The following CAPSL variants were observed in gnomAD, a reference collection of about 807,000 sequenced individuals.
CAPSL encodes the protein calcyphosin-like protein.
Under a neutral mutation model 21.3 loss-of-function variants are expected in CAPSL, and 17 were observed. The ratio of observed to expected loss-of-function variants is 0.80; its 90% CI spans 0.55 to 1.20. CAPSL has a LOEUF of 1.20. Ranked by LOEUF, CAPSL falls within the 50% of genes most tolerant of loss-of-function variation. The pLI is 0.00. For missense variants in CAPSL, 289 were observed against 259.3 expected, an observed-to-expected ratio of 1.11 and a Z score of -0.79; for synonymous variants, 102 against 89.3, an observed-to-expected ratio of 1.14 and a Z score of -0.80.
chr5:35,910,197 T>C, intron 3 of CAPSL, 122 bp from the exon 4 acceptor site: 2 of 1,074,554 alleles, frequency 1.9e-6, no homozygotes, highest in Non-Finnish European at 2.7e-6. Flanking sequence ...TGCTATTATG[T>C]AATAGACACT....
At chr5:35,927,520 G>A (rs560046723) in intron 1 of CAPSL, among the ~76,000 whole-genome samples, 91 of 152,278 alleles carry the variant, frequency 6.0e-4, no homozygotes, top group Non-Finnish European at 1.1e-3. Flanking sequence ...AGCTAGTTCC[G>A]AGAAGGTGGA....
rs79919116 is a variant in CAPSL, at chr5:35,932,804, G to A, written c.-1+5737C>T. Among the ~76,000 whole-genome samples the A allele has an allele frequency of 9.5e-3, 1,449 of 152,246 alleles. 22 individuals are homozygous for A. The highest frequency in any genetic ancestry group is 0.033 in the African/African-American group (1,374 of 41,534). ...ACTAAGGAAAGCCCTAAGGGCAGAC[G>A]TCAACACATTGATGATTTTTCCCTT... On this transcript the variant is annotated intron_variant, in intron 1 of 4. Coordinates refer to ENST00000651391, the MANE Select transcript of CAPSL (RefSeq NM_001042625.2).
chr5:35,931,451 AC>A (rs1243438693), intron 1 of CAPSL, among the ~76,000 whole-genome samples: 62 of 144,084 alleles, frequency 4.3e-4, no homozygotes, highest in African/African-American at 1.5e-3. Context: ...AAAAAAAAAA[AC>A]AAGGTTTAAT....
chr5:35,923,502 G>A (rs1305582112), intron 1 of CAPSL, among the ~76,000 whole-genome samples: 2 of 152,108 alleles, frequency 1.3e-5, no homozygotes, highest in Non-Finnish European at 2.9e-5. Context: ...CAAACCAAAT[G>A]TCCACCTATG....
chr5:35,927,973 G>A (rs1738727010), intron 1 of CAPSL, among the ~76,000 whole-genome samples: 1 of 152,124 alleles, frequency 6.6e-6, no homozygotes, highest in African/African-American at 2.4e-5. Context: ...ACCATAGATG[G>A]GGTAATTTAT....
At chr5:35,906,877 G>T (rs976903528) in intron 4 of CAPSL, among the ~76,000 whole-genome samples, 1 of 152,142 alleles carries the variant, frequency 6.6e-6, no homozygotes, top group Non-Finnish European at 1.5e-5. Context: ...GAAGTCAGAT[G>T]ACGTCAAGCC....
chr5:35,931,223 C>T (rs1738814565), intron 1 of CAPSL, among the ~76,000 whole-genome samples: 1 of 152,050 alleles, frequency 6.6e-6, no homozygotes, highest in Non-Finnish European at 1.5e-5. Context: ...AAATATTGAC[C>T]TTTAGCTGGG....
intron 2 of CAPSL, among the ~76,000 whole-genome samples, chr5:35,913,472 C>T (rs1411585253): frequency 2.0e-5 from 3 of 152,002 alleles, no homozygotes; most frequent in Non-Finnish European, 2.9e-5. Flanking sequence ...GTCAGGTTAC[C>T]CACAAAGGGA....
chr5:35,907,307 A>G (rs935394454), intron 4 of CAPSL, among the ~76,000 whole-genome samples: 2 of 152,286 alleles, frequency 1.3e-5, no homozygotes, highest in Admixed American at 6.5e-5. Context: ...TATACCTAAC[A>G]TATTTTTAAT....
intron 2 of CAPSL, among the ~76,000 whole-genome samples, chr5:35,919,170 A>AAAAAAATAT (rs754098152): frequency 0.011 from 1,277 of 121,202 alleles, 70 homozygotes; most frequent in East Asian, 0.085. Context: ...TAAAAAAAAA[A>AAAAAAATAT]ATATATATAT....
intron 1 of CAPSL, among the ~76,000 whole-genome samples, chr5:35,923,155 A>C (rs1164111373): frequency 2.0e-5 from 3 of 152,054 alleles, no homozygotes; most frequent in East Asian, 1.9e-4. Flanking sequence ...CTCATTTCCC[A>C]TGACATCTCC....
chr5:35,913,540 G>T (rs1026821034), intron 2 of CAPSL, among the ~76,000 whole-genome samples: 5 of 152,108 alleles, frequency 3.3e-5, no homozygotes, highest in African/African-American at 1.2e-4. Context: ...AGAAGAGAGT[G>T]GGGGCCAATA....
At position 35,936,755 on chromosome 5, in the gene CAPSL, C is replaced by T. The variant is rs374439321; in HGVS notation, c.-1+1786G>A. Among the ~76,000 whole-genome samples the T allele has an allele frequency of 3.9e-5, 6 of 152,194 alleles. No homozygotes were observed. The East Asian group carries it at 7.7e-4, about 20-fold the overall frequency. ...TGTTTCTCAGGCTTCAGTTATCTTT[C>T]TCTTCTCACTATTCCACTATCTTAT... is the stretch of plus-strand genomic sequence containing the variant. On this transcript the variant is annotated intron_variant, in intron 1 of 4. Coordinates refer to ENST00000651391, the MANE Select transcript of CAPSL (RefSeq NM_001042625.2).
Position 35,935,644 on chromosome 5 carries a change from A to G in CAPSL, c.-1+2897T>C, listed in dbSNP as rs145523543. On this transcript the variant is annotated intron_variant, in intron 1 of 4. Coordinates refer to ENST00000651391, the MANE Select transcript of CAPSL (RefSeq NM_001042625.2). ...GCCACGGTGCCCAGACTGAAAGTTCAAAATTCAAGATTGACTTTATCTGCA... is the reference window on the plus strand; with the variant it reads ...GCCACGGTGCCCAGACTGAAAGTTCGAAATTCAAGATTGACTTTATCTGCA... Among the ~76,000 whole-genome samples, 45 of 152,242 alleles carry G rather than the reference A, an allele frequency of 3.0e-4. 1 individual carries two copies. The East Asian group carries it at 8.5e-3, about 29-fold the overall frequency.
At chr5:35,934,998 C>A (rs189643997) in intron 1 of CAPSL, among the ~76,000 whole-genome samples, 12 of 152,272 alleles carry the variant, frequency 7.9e-5, no homozygotes, top group African/African-American at 2.6e-4. Context: ...TATTAAGGAA[C>A]CTCACAGATT....
chr5:35,924,744 C>T, intron 1 of CAPSL, among the ~76,000 whole-genome samples: 1 of 152,116 alleles, frequency 6.6e-6, no homozygotes, highest in East Asian at 1.9e-4. Flanking sequence ...GGAGCAAGCC[C>T]TTGAATAGCC....
At chr5:35,910,986 T>G (rs979362802) in intron 2 of CAPSL, among the ~76,000 whole-genome samples, 1 of 152,242 alleles carries the variant, frequency 6.6e-6, no homozygotes, top group Non-Finnish European at 1.5e-5. Context: ...AAAATCACAG[T>G]GATGTGGCTA....
At chr5:35,938,079 G>A (rs775636969) in intron 1 of CAPSL, among the ~76,000 whole-genome samples, 55 of 152,132 alleles carry the variant, frequency 3.6e-4, no homozygotes, top group Non-Finnish European at 3.8e-4. Flanking sequence ...GTGTATAGCA[G>A]AAATAGCATA....
chr5:35,912,087 C>T (rs542982387), intron 2 of CAPSL, among the ~76,000 whole-genome samples: 28 of 152,272 alleles, frequency 1.8e-4, no homozygotes, highest in African/African-American at 4.6e-4. Flanking sequence ...TCGGAGGATC[C>T]GACACCCACC....
Sources: allele counts gnomAD v4.1 joint callset (sites outside exome capture counted in the v4.1 genomes callset), GRCh38; gene constraint gnomAD v4.1.1; transcripts MANE v1.5; gene names NCBI Gene and HGNC (gene_info 2026-07-23, HGNC 2026-07-21).